The following GATM variants were observed in gnomAD, a reference collection of about 807,000 sequenced individuals.
GATM encodes glycine amidinotransferase, also known as glycine amidinotransferase, mitochondrial.
GATM carries 23 observed loss-of-function variants against 54.2 expected under a neutral mutation model. That is an observed-to-expected ratio of 0.42 (90% confidence interval 0.31 to 0.60). The LOEUF (loss-of-function observed/expected upper bound fraction) is 0.60. Among genes scored for constraint, GATM ranks in the 20% least tolerant of loss-of-function variants. GATM has a pLI of 0.14. For synonymous variants in GATM, 168 were observed against 183.1 expected (o/e 0.92, Z 0.67); for missense variants, 401 against 544.9 (o/e 0.74, Z 2.63).
chr15:45,378,531 G>T lies in GATM; in HGVS notation c.-78C>A. ...TCGGTCCAAGCCTTCCCGAGAGCGC[G>T]CCCGGAGCGGGGTGGGCGGGCGCGC... On this transcript the variant is annotated 5_prime_UTR_variant, in exon 1 of 9. Coordinates refer to ENST00000396659, the MANE Select transcript of GATM (RefSeq NM_001482.3). The T allele has an allele frequency of 8.3e-7, 1 of 1,201,138 alleles. No individual in the cohort carries two copies. Among genetic ancestry groups the T allele is most frequent in the Non-Finnish European group, 1.1e-6 (1 of 934,704 alleles). 74.4% of individuals were successfully genotyped at this position (1,201,138 alleles called of 1,614,324 possible). A position where few individuals can be genotyped will look rare whatever the true frequency, so the allele number is the denominator to read the frequency against.
Position 45,378,504 on chromosome 15 carries a change from C to G in GATM, c.-51G>C, listed in dbSNP as rs1030372127. 2 of 1,330,300 alleles carry G rather than the reference C, an allele frequency of 1.5e-6. No individual in the cohort carries two copies. The highest frequency in any genetic ancestry group is 3.1e-5 in the African/African-American group (2 of 64,430). 82.4% of individuals were successfully genotyped at this position (1,330,300 alleles called of 1,614,324 possible). On this transcript the variant is annotated 5_prime_UTR_variant, in exon 1 of 9. Coordinates refer to ENST00000396659, the MANE Select transcript of GATM (RefSeq NM_001482.3). The stretch of plus-strand genomic sequence containing the variant: ...CGGAATGTTCCTGGCCTCTGGGCCG[C>G]GTCGGTCCAAGCCTTCCCGAGAGCG...
chr15:45,387,469 C>G (rs1145081), intron 3 of GATM, among the ~76,000 whole-genome samples: 70,031 of 151,754 alleles, frequency 0.46, 20,476 homozygotes, highest in East Asian at 0.84. Context: ...TATGTCCAAA[C>G]CTTCTGTAAC....
At chr15:45,398,598 C>A (rs1182058935) in intron 2 of GATM, among the ~76,000 whole-genome samples, 1 of 152,196 alleles carries the variant, frequency 6.6e-6, no homozygotes, top group African/African-American at 2.4e-5. Flanking sequence ...TTTATGAACA[C>A]AGGTTCGGCA....
rs1889602649 is a variant in GATM, at chr15:45,374,841, G to A, written c.288+1760C>T. 1.3e-5 allele frequency among the ~76,000 whole-genome samples: 2 copies of A among 152,210 alleles called. 1 individual carries two copies. The highest frequency in any genetic ancestry group is 4.1e-4 in the South Asian group (2 of 4,826). The stretch of plus-strand genomic sequence containing the variant: ...TGAAGACCACGACAATGCTGTTACA[G>A]AACTTCTTTCCTCAATCCACTTTAC... On this transcript the variant is annotated intron_variant, in intron 2 of 8. Coordinates refer to ENST00000396659, the MANE Select transcript of GATM (RefSeq NM_001482.3).
chr15:45,397,217 G>C (rs901741893), intron 2 of GATM: 1 of 151,898 alleles, frequency 6.6e-6, no homozygotes, highest in African/African-American at 2.4e-5. Context: ...CTTCACTCTC[G>C]TTCCTGACAT....
chr15:45,396,467 AT>A (rs1860302008), intron 3 of GATM, among the ~76,000 whole-genome samples: 1 of 152,258 alleles, frequency 6.6e-6, no homozygotes, highest in Non-Finnish European at 1.5e-5. Context: ...CAATGATCCA[AT>A]AAAAGTAACA....
chr15:45,389,631 A>G lies in GATM; in HGVS notation c.-319+7291T>C, dbSNP rs1051529507. ...GGTAATTTGTGTATTTTTTGCAGAGATGGGTTTTTGCCATGTTGCTCAGGC... is the reference window on the plus strand; with the variant it reads ...GGTAATTTGTGTATTTTTTGCAGAGGTGGGTTTTTGCCATGTTGCTCAGGC... On this transcript the variant is annotated intron_variant, in intron 3 of 4. Transcript: ENST00000561148. 6.6e-5 allele frequency among the ~76,000 whole-genome samples: 10 copies of G among 152,130 alleles called. No homozygotes were observed. In the East Asian group the frequency reaches 1.9e-3, roughly 30 times the overall value.
At chr15:45,396,645 C>T (rs928611959) in intron 3 of GATM, among the ~76,000 whole-genome samples, 1 of 151,794 alleles carries the variant, frequency 6.6e-6, no homozygotes, top group South Asian at 2.1e-4. Context: ...CTGAGGTGGG[C>T]GGGTCATGAG....
intron 1 of GATM, 52 bp downstream of exon 1, chr15:45,378,333 G>C (rs1305861066): frequency 1.4e-6 from 2 of 1,413,126 alleles, no homozygotes; most frequent in Non-Finnish European, 1.9e-6. Flanking sequence ...CACGCCGCCC[G>C]CAGGATCGAG....
intron 3 of GATM, among the ~76,000 whole-genome samples, chr15:45,385,274 T>A (rs1372465160): frequency 6.6e-6 from 1 of 152,216 alleles, no homozygotes; most frequent in South Asian, 2.1e-4. Flanking sequence ...TCTTGTAGCC[T>A]AAATTCCTTT....
upstream of GATM, chr15:45,378,964 A>G (rs1354535412): frequency 6.6e-6 from 1 of 152,242 alleles, no homozygotes; most frequent in African/African-American, 2.4e-5. Context: ...AAACGAAACC[A>G]CCTAAAGATT....
chr15:45,379,150 G>C (rs1259640454), upstream of GATM: 1 of 152,156 alleles, frequency 6.6e-6, no homozygotes, highest in Non-Finnish European at 1.5e-5. Flanking sequence ...GAGAAACTCC[G>C]TCATGAAAAT....
At chr15:45,402,126 G>T in exon 1 of GATM, 1 of 418,726 alleles carries the variant, frequency 2.4e-6, no homozygotes, top group Non-Finnish European at 4.2e-6. Flanking sequence ...CAAAGTACAT[G>T]CTTAATGACC....
intron 3 of GATM, among the ~76,000 whole-genome samples, chr15:45,385,545 A>G (rs1889794611): frequency 6.6e-6 from 1 of 152,242 alleles, no homozygotes; most frequent in Non-Finnish European, 1.5e-5. Flanking sequence ...AACATGCACC[A>G]CTAAATAATG....
At chr15:45,388,059 G>A (rs1889824930) in intron 3 of GATM, among the ~76,000 whole-genome samples, 1 of 152,076 alleles carries the variant, frequency 6.6e-6, no homozygotes, top group South Asian at 2.1e-4. Context: ...TGTTGCCCAG[G>A]CTGGTCTTGA....
At chr15:45,393,893 C>T (rs2433610) in intron 3 of GATM, among the ~76,000 whole-genome samples, 20,743 of 152,136 alleles carry the variant, frequency 0.14, 4,664 homozygotes, top group African/African-American at 0.47. Flanking sequence ...CACTTAATCT[C>T]ACAATAATCT....
At chr15:45,393,526 T>G (rs1186854620) in intron 3 of GATM, among the ~76,000 whole-genome samples, 1 of 152,194 alleles carries the variant, frequency 6.6e-6, no homozygotes, top group Non-Finnish European at 1.5e-5. Context: ...TAGCTATTAC[T>G]GTTTATTGGA....
chr15:45,376,682 G>A lies in GATM; in HGVS notation c.207C>T (p.Tyr69=), dbSNP rs1159856922. Residue 69 remains tyrosine (Y), a synonymous_variant, in exon 2 of 9, where the codon TAC becomes TAT. Coordinates refer to ENST00000396659, the MANE Select transcript of GATM (RefSeq NM_001482.3). ...PLPKDCPVSS[Y]NEWDPLEEVI... ...CTTCCTCTAAGGGGTCCCATTCGTTGTAAGAAGAGACAGGGCAGTCCTTGG... is the reference window on the plus strand; with the variant it reads ...CTTCCTCTAAGGGGTCCCATTCGTTATAAGAAGAGACAGGGCAGTCCTTGG... 4 of 1,614,072 alleles carry A rather than the reference G, an allele frequency of 2.5e-6. No individual in the cohort carries two copies. Among genetic ancestry groups the A allele is most frequent in the African/African-American group, 1.3e-5 (1 of 74,920 alleles).
At chr15:45,364,214 C>T (rs141170408) in intron 7 of GATM, 198 bp from the exon 8 acceptor site, 3 of 581,294 alleles carry the variant, frequency 5.2e-6, no homozygotes, top group East Asian at 5.9e-5. Flanking sequence ...TTGAATTTCA[C>T]CCTGTTTTCT....
Sources: allele counts gnomAD v4.1 joint callset (sites outside exome capture counted in the v4.1 genomes callset), GRCh38; gene constraint gnomAD v4.1.1; transcripts MANE v1.5; gene names NCBI Gene and HGNC (gene_info 2026-07-23, HGNC 2026-07-21).